SKP2: variants seen among roughly 807,000 people sequenced by gnomAD.
The protein encoded by SKP2 is S-phase kinase associated protein 2, also known as S-phase kinase-associated protein 2.
SKP2 carries 16 observed loss-of-function variants against 51.8 expected under a neutral mutation model. The ratio of observed to expected loss-of-function variants is 0.31; its 90% CI spans 0.21 to 0.47. The LOEUF (loss-of-function observed/expected upper bound fraction) is 0.47, where lower values mean the gene tolerates loss of function less well. SKP2 is among the 20% of genes least tolerant of loss of function. The probability of loss-of-function intolerance (pLI) is 1.00; values close to 1 mark genes in which losing one functional copy is unlikely to be tolerated. For synonymous variants in SKP2, 176 were observed against 198.6 expected (o/e 0.89, Z 0.96); for missense variants, 377 against 505.3 (o/e 0.75, Z 2.43).
At chr5:36,187,586 G>A (rs1261683482), downstream of SKP2, among the ~76,000 whole-genome samples, 1 of 152,176 alleles carries the variant, frequency 6.6e-6, no homozygotes, top group Non-Finnish European at 1.5e-5. Flanking sequence ...TGATCACACT[G>A]TGGTCTGAGA....
At chr5:36,190,197 G>C (rs1473688630) in intron 6 of SKP2, among the ~76,000 whole-genome samples, 2 of 151,894 alleles carry the variant, frequency 1.3e-5, no homozygotes, top group Non-Finnish European at 2.9e-5. Flanking sequence ...CCCTGCTTCA[G>C]CTCATGCTCG....
chr5:36,169,104 G>A (rs1745385571), intron 5 of SKP2, among the ~76,000 whole-genome samples: 1 of 152,164 alleles, frequency 6.6e-6, no homozygotes, highest in Non-Finnish European at 1.5e-5. Context: ...ATTGTAATGG[G>A]CCCCTACGCC....
At chr5:36,191,492 T>C (rs920587271) in intron 6 of SKP2, among the ~76,000 whole-genome samples, 1 of 152,028 alleles carries the variant, frequency 6.6e-6, no homozygotes, top group African/African-American at 2.4e-5. Flanking sequence ...GCTGTCACTT[T>C]ACCTGCTCTT....
chr5:36,188,418 A>G (rs1745975809), downstream of SKP2, among the ~76,000 whole-genome samples: 1 of 152,236 alleles, frequency 6.6e-6, no homozygotes, highest in Non-Finnish European at 1.5e-5. Flanking sequence ...CTTGCAGGGC[A>G]GGCCTGGTGG....
chr5:36,154,203 A>G (rs1744865553), intron 2 of SKP2, among the ~76,000 whole-genome samples: 1 of 152,164 alleles, frequency 6.6e-6, no homozygotes, highest in African/African-American at 2.4e-5. Flanking sequence ...TAAACCAGGT[A>G]TTGAGAGAAA....
rs775013571 is a variant in SKP2 at position 36,177,020 on chromosome 5, T to C, written c.953+4T>C. 6.4e-7 allele frequency: 1 copy of C among 1,570,614 alleles called. No individual in the cohort carries two copies. Among genetic ancestry groups the C allele is most frequent in the Non-Finnish European group, 8.7e-7 (1 of 1,147,350 alleles). On this transcript the variant is annotated splice_donor_region_variant and intron_variant, in intron 8 of 9. Transcript: ENST00000274255. ...ATCTTGTCCATCTAGACTTAAGGTA[T>C]TTTTTTATTTGTTTATTTTAGATCA... is the stretch of plus-strand genomic sequence containing the variant.
At chr5:36,168,681 C>CA (rs1196914607) in intron 5 of SKP2, among the ~76,000 whole-genome samples, 1 of 152,194 alleles carries the variant, frequency 6.6e-6, no homozygotes, top group Non-Finnish European at 1.5e-5. Context: ...CAAGGATGAA[C>CA]AATGCATGTG....
At chr5:36,181,774 T>G (rs774246891) in intron 9 of SKP2, 44 bp from the exon 10 acceptor site, 2 of 1,606,728 alleles carry the variant, frequency 1.2e-6, no homozygotes, top group Non-Finnish European at 1.7e-6. Context: ...TCAAACAGTT[T>G]CCATAGATAC....
At chr5:36,159,071 A>G (rs998210800) in intron 2 of SKP2, among the ~76,000 whole-genome samples, 1 of 152,228 alleles carries the variant, frequency 6.6e-6, no homozygotes, top group Non-Finnish European at 1.5e-5. Flanking sequence ...TGTGCCAGGC[A>G]TTGTTAGGTA....
At chr5:36,163,570 A>G (rs2111968788) in intron 2 of SKP2, 75 bp from the exon 3 acceptor site, 7 of 841,720 alleles carry the variant, frequency 8.3e-6, no homozygotes, top group South Asian at 4.1e-5. Context: ...TATATTCTTT[A>G]TGTGTTTGAA....
intron 2 of SKP2, among the ~76,000 whole-genome samples, chr5:36,162,094 C>T (rs904580200): frequency 2.6e-5 from 4 of 152,174 alleles, no homozygotes; most frequent in Non-Finnish European, 5.9e-5. Context: ...GTTCTAAACA[C>T]AGCAGCCAGA....
At chr5:36,191,143 C>T (rs915145976) in intron 6 of SKP2, among the ~76,000 whole-genome samples, 2 of 152,146 alleles carry the variant, frequency 1.3e-5, no homozygotes, top group African/African-American at 4.8e-5. Flanking sequence ...TTCCCCTATT[C>T]CCATAAACTG....
chr5:36,188,702 T>C (rs1339707831), downstream of SKP2, among the ~76,000 whole-genome samples: 1 of 152,202 alleles, frequency 6.6e-6, no homozygotes, highest in Non-Finnish European at 1.5e-5. Flanking sequence ...CTGACAATTA[T>C]GTGCCTTCGG....
At chr5:36,162,945 CAT>C in intron 2 of SKP2, among the ~76,000 whole-genome samples, 1 of 152,216 alleles carries the variant, frequency 6.6e-6, no homozygotes, top group East Asian at 1.9e-4. Flanking sequence ...CTTGTAAAAC[CAT>C]AAGATCTTGT....
intron 9 of SKP2, 197 bp downstream of exon 9, chr5:36,177,489 C>T (rs1361867553): frequency 1.5e-6 from 1 of 665,020 alleles, no homozygotes; most frequent in Non-Finnish European, 2.8e-6. Flanking sequence ...GTTCACTAAA[C>T]ATTTATTGTT....
chr5:36,159,690 T>C (rs941359109), intron 2 of SKP2, among the ~76,000 whole-genome samples: 3 of 152,194 alleles, frequency 2.0e-5, no homozygotes, highest in African/African-American at 7.2e-5. Context: ...TGAACCCCAA[T>C]TGCCCATAGG....
downstream of SKP2, among the ~76,000 whole-genome samples, chr5:36,186,914 T>A (rs1745960946): frequency 6.6e-6 from 1 of 152,242 alleles, no homozygotes; most frequent in Non-Finnish European, 1.5e-5. Context: ...ATTGCCTCAG[T>A]TTCAGAGCCT....
At chr5:36,190,896 T>G (rs1467602662) in intron 6 of SKP2, among the ~76,000 whole-genome samples, 1 of 152,152 alleles carries the variant, frequency 6.6e-6, no homozygotes, top group Admixed American at 6.6e-5. Flanking sequence ...CCTGAAGCAT[T>G]GTATATCAAG....
Position 36,181,897 on chromosome 5 carries a change from G to A in SKP2, c.1141G>A (p.Glu381Lys), listed in dbSNP as rs760953289. The change falls in exon 10 of 10, where the codon GAA (glutamate) becomes AAA (lysine). Residue 381 changes from glutamate (E) to lysine (K), a missense_variant. This residue lies in a region of SKP2 where 262 missense variants were observed against 389.8 expected (regional missense o/e 0.67). Transcript: ENST00000274255. Reference sequence around the variant, plus strand: ...AGATGGTACCCTTCAACTGTTAAAGGAAGCCCTTCCTCATCTACAGATTAA... The same window carrying A: ...AGATGGTACCCTTCAACTGTTAAAGAAAGCCCTTCCTCATCTACAGATTAA... ...VPDGTLQLLK[E>K]ALPHLQINCS... 1 of 1,614,036 alleles carries A rather than the reference G, an allele frequency of 6.2e-7. No homozygotes were observed. The highest frequency in any genetic ancestry group is 1.7e-5 in the Admixed American group (1 of 60,010).
Sources: allele counts gnomAD v4.1 joint callset (sites outside exome capture counted in the v4.1 genomes callset), GRCh38; gene constraint gnomAD v4.1.1; regional missense constraint gnomAD v4.1.1; transcripts MANE v1.5; gene names NCBI Gene and HGNC (gene_info 2026-07-23, HGNC 2026-07-21).